PLEKHG4B: variants seen among roughly 807,000 people sequenced by gnomAD.
The protein encoded by PLEKHG4B is pleckstrin homology and RhoGEF domain containing G4B.
A neutral mutation model predicts 121.3 loss-of-function variants in PLEKHG4B; 111 were observed. That is an observed-to-expected ratio of 0.92 (90% CI 0.78 to 1.07). The LOEUF (loss-of-function observed/expected upper bound fraction) is 1.07, where lower values mean the gene tolerates loss of function less well. Among genes scored for constraint, PLEKHG4B ranks in the 50% least tolerant of loss-of-function variants. The pLI, the probability that PLEKHG4B is intolerant of heterozygous loss-of-function variation, is 0.00. For synonymous variants in PLEKHG4B, 738 were observed against 725.0 expected, an observed-to-expected ratio of 1.02 and a Z score of -0.29; for missense variants, 1,831 against 1,757.8, an observed-to-expected ratio of 1.04 and a Z score of -0.74.
chr5:117,555 G>C (rs1734340639), intron 2 of PLEKHG4B, among the ~76,000 whole-genome samples: 1 of 152,184 alleles, frequency 6.6e-6, no homozygotes, highest in South Asian at 2.1e-4. Context: ...TGTGTCTGGA[G>C]AAGTTTAGAG....
rs1733432175 is a variant in PLEKHG4B at position 182,268 on chromosome 5, C to A, written c.4829C>A (p.Ala1610Asp). 1.2e-6 allele frequency: 2 copies of A among 1,612,954 alleles called. No individual in the cohort carries two copies. Among genetic ancestry groups the A allele is most frequent in the Non-Finnish European group, 1.7e-6 (2 of 1,179,970 alleles). ...PEPELETGTQAAVCEGAPAVL... is the reference protein window; with the variant it reads ...PEPELETGTQDAVCEGAPAVL... ...CCAGAACTAGAGACGGGCACCCAGG[C>A]TGCAGTGTGTGAGGGGGCTCCTGCT... Residue 1610 changes from alanine to aspartate, a missense_variant, in exon 20 of 20, where the codon GCT becomes GAT. Transcript: ENST00000637938.
chr5:161,848 G>A lies in PLEKHG4B; in HGVS notation c.2553G>A (p.Gln851=). The change falls in exon 12 of 20, where the codon CAG becomes CAA. Residue 851 remains glutamine, a synonymous_variant. Transcript: ENST00000637938. The part of the protein sequence containing the change: ...ENPQRTEEMV[Q]DFRRGLSAVV... ...CGCAACGTACAGAGGAAATGGTCCA[G>A]GATTTCAGAAGGGGCCTGAGCGCCG... 6.2e-7 allele frequency: 1 copy of A among 1,613,954 alleles called. No homozygotes were observed. The highest frequency in any genetic ancestry group is 2.2e-5 in the East Asian group (1 of 44,876).
At chr5:169,659 G>A in intron 14 of PLEKHG4B, 67 bp downstream of exon 14, 5 of 1,582,454 alleles carry the variant, frequency 3.2e-6, no homozygotes, top group Non-Finnish European at 4.3e-6. Context: ...GAGAGGCGGG[G>A]CCTACAGGGC....
chr5:148,691 A>G (rs565157275), intron 6 of PLEKHG4B, among the ~76,000 whole-genome samples: 217 of 152,310 alleles, frequency 1.4e-3, no homozygotes, highest in Non-Finnish European at 2.7e-3. Flanking sequence ...ATCAAAATTA[A>G]GCTGTTGTTT....
At chr5:135,696 T>A (rs1370957665) in intron 2 of PLEKHG4B, among the ~76,000 whole-genome samples, 1,051 of 56,960 alleles carry the variant, frequency 0.018, 58 homozygotes, top group African/African-American at 0.069. Flanking sequence ...TATATATATA[T>A]ATATATATAT....
In PLEKHG4B at chr5:182,037, C is replaced by T. The variant is rs1317418717; in HGVS notation, c.4598C>T (p.Ser1533Phe). 6 of 1,614,034 alleles carry T rather than the reference C, an allele frequency of 3.7e-6. No homozygotes were observed. Among genetic ancestry groups the T allele is most frequent in the Middle Eastern group, 1.6e-4 (1 of 6,084 alleles). Residue 1533 changes from serine to phenylalanine, a missense_variant, in exon 20 of 20, where the codon TCC (serine) becomes TTC (phenylalanine). Physicochemically the swap from Ser to Phe is radical, Grantham distance 155. Coordinates refer to ENST00000637938, the MANE Select transcript of PLEKHG4B (RefSeq NM_052909.5). ...SQMRGSTAVS[S>F]SDHAAPFKRP... is the part of the protein sequence containing the mutation. ...ATGAGAGGGTCCACAGCGGTGTCCT[C>T]CTCTGACCACGCCGCCCCCTTCAAG...
At chr5:135,879 G>A (rs192273441) in intron 2 of PLEKHG4B, among the ~76,000 whole-genome samples, 2 of 151,074 alleles carry the variant, frequency 1.3e-5, no homozygotes, top group African/African-American at 2.4e-5. Flanking sequence ...TTGAAGAAGA[G>A]CTAAAAAGTT....
At chr5:94,801 A>G (rs900650875) in intron 1 of PLEKHG4B, among the ~76,000 whole-genome samples, 8 of 152,222 alleles carry the variant, frequency 5.3e-5, no homozygotes, top group African/African-American at 1.9e-4. Flanking sequence ...AAACCAGCAC[A>G]TCCACCCTCC....
rs1733452884 is a variant in PLEKHG4B, at chr5:182,575, G to A, written c.*252G>A. The A allele has an allele frequency of 2.0e-6, 1 of 488,470 alleles. No individual in the cohort carries two copies. The highest frequency in any genetic ancestry group is 1.9e-5 in the African/African-American group (1 of 52,688). 30.3% of individuals were successfully genotyped at this position (488,470 alleles called of 1,614,324 possible). On this transcript the variant is annotated 3_prime_UTR_variant, in exon 20 of 20. Transcript: ENST00000637938. Reference sequence around the variant, plus strand: ...ACCCAAGACAACAGCATAGGAAACAGACCTAAAACAAGACAAAAAAAGACT... The same window carrying A: ...ACCCAAGACAACAGCATAGGAAACAAACCTAAAACAAGACAAAAAAAGACT...
In PLEKHG4B at chr5:143,359, G is replaced by T. The variant is rs772603333; in HGVS notation, c.1688-21G>T. On this transcript the variant is annotated intron_variant, in intron 4 of 19. Coordinates refer to ENST00000637938, the MANE Select transcript of PLEKHG4B (RefSeq NM_052909.5). The stretch of plus-strand genomic sequence containing the variant: ...TGTAGGAGTGAAGCCCTTGGCAGCT[G>T]CCCTGTCTCTGTCTCCGCAGGGACC... The T allele has an allele frequency of 3.7e-6, 6 of 1,609,706 alleles. No individual in the cohort carries two copies. In the East Asian group the frequency reaches 1.3e-4, roughly 36 times the overall value.
At chr5:181,957 A>G in intron 19 of PLEKHG4B, 47 bp from the exon 20 acceptor site, 1 of 1,575,240 alleles carries the variant, frequency 6.3e-7, no homozygotes, top group Non-Finnish European at 8.7e-7. Flanking sequence ...CCTGGGCTGC[A>G]CTTCTGGAGC....
rs1560918187 is a variant in PLEKHG4B at position 135,685 on chromosome 5, ATATATATATATAT to A, written c.244-3797_244-3785del. On this transcript the variant is annotated intron_variant, in intron 2 of 19. Transcript: ENST00000637938. ...CATCTCAAAAAAAAAAAAAAAAAATATATATATATATATATATATATATATATATATATATATA... is the reference window on the plus strand; with the variant it reads ...CATCTCAAAAAAAAAAAAAAAAAATAATATATATATATATATATATATATA... Among the ~76,000 whole-genome samples the A allele has an allele frequency of 1.5e-3, 47 of 31,062 alleles. 2 individuals are homozygous for A. Among genetic ancestry groups the A allele is most frequent in the South Asian group, 3.4e-3 (3 of 880 alleles). The allele number at this position is 31,062 out of a possible 152,430, so 20.4% of individuals were successfully genotyped here.
chr5:161,514 C>T (rs983390503), intron 11 of PLEKHG4B, among the ~76,000 whole-genome samples: 17 of 152,220 alleles, frequency 1.1e-4, no homozygotes, highest in African/African-American at 3.1e-4. Flanking sequence ...ATCCCTCCCT[C>T]GGTCCTGCTA....
chr5:92,513 C>T (rs1425404849), intron 1 of PLEKHG4B, among the ~76,000 whole-genome samples: 11 of 43,312 alleles, frequency 2.5e-4, no homozygotes, highest in African/African-American at 1.2e-3. Flanking sequence ...AAGGCGCGAG[C>T]ATCAAGGCGG....
chr5:169,638 A>G, intron 14 of PLEKHG4B, 46 bp downstream of exon 14: 5 of 1,601,410 alleles, frequency 3.1e-6, no homozygotes, highest in Non-Finnish European at 2.5e-6. Flanking sequence ...TGGTGGGTGA[A>G]GCCGGTGTCA....
Position 140,638 on chromosome 5 carries a change from G to A in PLEKHG4B, c.1399G>A (p.Gly467Arg), listed in dbSNP as rs760749123. ...CCACCACTCAGCAGGCTCCAGGCCTGGGGGCCACCTAGGAGGACAAGCTGT... is the reference window on the plus strand; with the variant it reads ...CCACCACTCAGCAGGCTCCAGGCCTAGGGGCCACCTAGGAGGACAAGCTGT... Reference protein sequence around the residue: ...TSHHSAGSRPGGHLGGQAVGT... With the variant: ...TSHHSAGSRPRGHLGGQAVGT... The change falls in exon 3 of 20, where the codon GGG (glycine) becomes AGG (arginine). Residue 467 changes from glycine to arginine, a missense_variant. By Grantham distance (125) the Gly-to-Arg change is moderately radical (BLOSUM62 -2). Coordinates refer to ENST00000637938, the MANE Select transcript of PLEKHG4B (RefSeq NM_052909.5). The A allele has an allele frequency of 3.1e-6, 5 of 1,609,362 alleles. No homozygotes were observed. The Admixed American group carries it at 8.4e-5, about 27-fold the overall frequency.
chr5:161,689 T>C, intron 11 of PLEKHG4B, 94 bp from the exon 12 acceptor site: 1 of 1,554,370 alleles, frequency 6.4e-7, no homozygotes, highest in East Asian at 2.3e-5. Flanking sequence ...GTCCGAGCCT[T>C]GGTGCCAGTG....
intron 13 of PLEKHG4B, chr5:169,096 G>C (rs1193903048): frequency 1.9e-6 from 1 of 521,666 alleles, no homozygotes; most frequent in Non-Finnish European, 3.4e-6. Context: ...GGCTGGTCTC[G>C]ATCTCTTGAC....
At chr5:146,578 C>T (rs1381092173) in intron 6 of PLEKHG4B, among the ~76,000 whole-genome samples, 2 of 142,768 alleles carry the variant, frequency 1.4e-5, no homozygotes, top group Non-Finnish European at 1.5e-5. Context: ...TAAGGTCCTC[C>T]CTCCTCTCCT....
Sources: allele counts gnomAD v4.1 joint callset (sites outside exome capture counted in the v4.1 genomes callset), GRCh38; gene constraint gnomAD v4.1.1; transcripts MANE v1.5; gene names NCBI Gene and HGNC (gene_info 2026-07-23, HGNC 2026-07-21).